Variants in EYS observed in about 807,000 individuals in gnomAD.
EYS encodes the protein EGF-like photoreceptor maintenance factor.
EYS carries 250 observed loss-of-function variants against 282.1 expected under a neutral mutation model. The observed-to-expected ratio is 0.89, with a 90% CI of 0.80 to 0.98. The LOEUF is 0.98. EYS is among the 50% of genes least tolerant of loss of function. EYS has a pLI of 0.00. For missense variants in EYS, 4,016 were observed against 3,709.0 expected (o/e 1.08, Z -2.15); for synonymous variants, 1,355 against 1,282.9 (o/e 1.06, Z -1.20).
intron 36 of EYS, among the ~76,000 whole-genome samples, chr6:63,848,191 G>C (rs919951165): frequency 6.6e-6 from 1 of 151,990 alleles, no homozygotes; most frequent in Non-Finnish European, 1.5e-5. Flanking sequence ...TTTACGATGA[G>C]ATTGCTGTAT....
At chr6:63,964,031 A>G (rs1389083897) in intron 35 of EYS, among the ~76,000 whole-genome samples, 2 of 152,244 alleles carry the variant, frequency 1.3e-5, no homozygotes, top group Admixed American at 1.3e-4. Context: ...TAAGAGAAAC[A>G]AAATATAAAG....
intron 26 of EYS, among the ~76,000 whole-genome samples, chr6:64,500,557 T>G (rs534400269): frequency 6.6e-6 from 1 of 152,252 alleles, no homozygotes; most frequent in South Asian, 2.1e-4. Flanking sequence ...CAAAATTTTT[T>G]TGTGTCAATT....
intron 12 of EYS, among the ~76,000 whole-genome samples, chr6:65,225,690 G>T (rs1400048088): frequency 2.0e-5 from 3 of 149,208 alleles, no homozygotes. Flanking sequence ...CTCCAGCCTG[G>T]GTAACTAGAG....
chr6:65,702,292 A>G (rs181025482), intron 1 of EYS, among the ~76,000 whole-genome samples: 1 of 152,340 alleles, frequency 6.6e-6, no homozygotes, highest in Admixed American at 6.5e-5. Context: ...GTTGTAGTTT[A>G]TGAACAACAA....
chr6:64,332,412 T>G (rs1231101071), intron 29 of EYS, among the ~76,000 whole-genome samples: 2 of 152,142 alleles, frequency 1.3e-5, no homozygotes, highest in Non-Finnish European at 2.9e-5. Context: ...ATGCAGTATA[T>G]CCCTTCCAAC....
At chr6:65,455,247 A>AT (rs1250141434) in intron 5 of EYS, among the ~76,000 whole-genome samples, 1 of 151,998 alleles carries the variant, frequency 6.6e-6, no homozygotes, top group Admixed American at 6.6e-5. Context: ...TACATATCTT[A>AT]TTTTTTATAG....
At chr6:64,265,532 A>C (rs552446850) in intron 30 of EYS, among the ~76,000 whole-genome samples, 20 of 152,288 alleles carry the variant, frequency 1.3e-4, no homozygotes, top group Middle Eastern at 3.4e-3. Flanking sequence ...AATTGCTAGA[A>C]TATGTTGTGG....
chr6:64,327,328 C>T (rs1231982025), intron 29 of EYS, among the ~76,000 whole-genome samples: 4 of 151,946 alleles, frequency 2.6e-5, no homozygotes, highest in South Asian at 2.1e-4. Context: ...GAAAGCACCT[C>T]GCAAGGGAGG....
At chr6:65,136,795 C>T (rs1371351521) in intron 12 of EYS, among the ~76,000 whole-genome samples, 1 of 152,026 alleles carries the variant, frequency 6.6e-6, no homozygotes, top group Non-Finnish European at 1.5e-5. Context: ...AGGAGATCCT[C>T]CCACCTCAGT....
At chr6:64,852,279 T>C (rs1053181732) in intron 19 of EYS, among the ~76,000 whole-genome samples, 1 of 152,096 alleles carries the variant, frequency 6.6e-6, no homozygotes, top group African/African-American at 2.4e-5. Flanking sequence ...CCACCCTTAA[T>C]CTGGGTGGGG....
intron 31 of EYS, among the ~76,000 whole-genome samples, chr6:64,168,908 G>A (rs992211875): frequency 6.6e-6 from 1 of 152,070 alleles, no homozygotes; most frequent in East Asian, 1.9e-4. Context: ...TGTTAAAAAA[G>A]CAAATTATAC....
chr6:65,156,378 A>G (rs6909284), intron 12 of EYS, among the ~76,000 whole-genome samples: 56,980 of 150,846 alleles, frequency 0.38, 11,968 homozygotes, highest in African/African-American at 0.57. Flanking sequence ...TGGCCCAGAT[A>G]TATGACTATA....
rs544221515 is a variant in EYS, at chr6:64,199,757, G to A, written c.6424+30835C>T. Among the ~76,000 whole-genome samples the A allele has an allele frequency of 1.3e-3, 194 of 152,136 alleles. 1 individual carries two copies. In the Middle Eastern group the frequency reaches 0.02, roughly 16 times the overall value. On this transcript the variant is annotated intron_variant, in intron 31 of 42. Coordinates refer to ENST00000503581, the MANE Select transcript of EYS (RefSeq NM_001142800.2). ...AAAAAAAAATCAAAAAATGAGCAAA[G>A]GATATATGAATAGACACTTCTCAAA...
intron 26 of EYS, among the ~76,000 whole-genome samples, chr6:64,561,788 C>T (rs537009342): frequency 7.9e-5 from 12 of 151,958 alleles, no homozygotes; most frequent in Admixed American, 5.9e-4. Flanking sequence ...GACTATCAAA[C>T]TACCAATGGC....
intron 26 of EYS, among the ~76,000 whole-genome samples, chr6:64,525,110 G>A (rs1311364085): frequency 6.6e-6 from 1 of 151,798 alleles, no homozygotes; most frequent in African/African-American, 2.4e-5. Flanking sequence ...GTGGAAAGCA[G>A]TATGGCAATT....
chr6:65,504,285 C>A (rs1343129583), intron 2 of EYS, among the ~76,000 whole-genome samples: 1 of 151,578 alleles, frequency 6.6e-6, no homozygotes, highest in East Asian at 1.9e-4. Flanking sequence ...ACTTTGTATA[C>A]AGTATTAAAT....
At position 63,720,966 on chromosome 6, in the gene EYS, A is replaced by G; in HGVS notation, c.9065T>C (p.Val3022Ala). The G allele has an allele frequency of 6.4e-7, 1 of 1,551,374 alleles. No individual in the cohort carries two copies. Among genetic ancestry groups the G allele is most frequent in the East Asian group, 2.4e-5 (1 of 40,894 alleles). Residue 3022 changes from valine (V) to alanine (A), a missense_variant, in exon 43 of 43, where the codon GTT becomes GCT. By Grantham distance (64) the Val-to-Ala change is moderately conservative. Coordinates refer to ENST00000503581, the MANE Select transcript of EYS (RefSeq NM_001142800.2). ...CACAGAGATTCTTTCTCCCAAGTTA[A>G]CTGCTATTTTCAAGGTCTGATTATG... ...GLHNQTLKIA[V>A]NLGERISVPM...
chr6:65,176,736 T>C (rs1437480253), intron 12 of EYS, among the ~76,000 whole-genome samples: 1 of 151,690 alleles, frequency 6.6e-6, no homozygotes, highest in Admixed American at 6.6e-5. Context: ...GCAAAGATTT[T>C]AAGAATTAAA....
chr6:64,785,724 A>G lies in EYS; in HGVS notation c.3443+27654T>C, dbSNP rs530120039. ...AACCAAGCTTATTTATTCAACAAAT[A>G]TTTGTTGCACTTTGATTATTTGTCA... On this transcript the variant is annotated intron_variant, in intron 22 of 42. Coordinates refer to ENST00000503581, the MANE Select transcript of EYS (RefSeq NM_001142800.2). Among the ~76,000 whole-genome samples, 25 of 152,292 alleles carry G rather than the reference A, an allele frequency of 1.6e-4. 1 individual carries two copies. Among genetic ancestry groups the G allele is most frequent in the Admixed American group, 5.9e-4 (9 of 15,300 alleles).
Sources: gnomAD v4.1 joint callset for allele counts (sites outside exome capture counted in the v4.1 genomes callset) on GRCh38, gnomAD v4.1.1 for gene constraint, MANE v1.5 for transcripts, NCBI Gene and HGNC (gene_info 2026-07-23, HGNC 2026-07-21) for gene names.